The following KATNAL2 variants were observed in gnomAD, a reference collection of about 807,000 sequenced individuals.
KATNAL2 encodes katanin p60 ATPase-containing subunit A-like 2.
In KATNAL2, 52 loss-of-function variants were observed where a neutral mutation model predicts 76.3. The observed-to-expected ratio is 0.68, with a 90% CI of 0.55 to 0.86. KATNAL2 has a LOEUF of 0.86. Ranked by LOEUF, KATNAL2 falls within the 40% of genes least tolerant of loss-of-function variation. KATNAL2 has a pLI of 0.00. For missense variants in KATNAL2, 660 were observed against 668.9 expected (o/e 0.99, Z 0.15); for synonymous variants, 243 against 244.2 (o/e 1.00, Z 0.05).
chr18:47,035,291 G>T (rs1479761870), intron 3 of KATNAL2: 15 of 1,611,724 alleles, frequency 9.3e-6, no homozygotes, highest in Non-Finnish European at 1.3e-5. Context: ...AGGCGTCGCT[G>T]TCCCGGCGGT....
chr18:46,961,967 G>A (rs961502862), intron 3 of KATNAL2, among the ~76,000 whole-genome samples: 4 of 152,114 alleles, frequency 2.6e-5, no homozygotes, highest in South Asian at 2.1e-4. Flanking sequence ...GGGAGTCTGC[G>A]GAAAGAGCTA....
intron 10 of KATNAL2, among the ~76,000 whole-genome samples, chr18:47,063,897 T>A (rs925060392): frequency 5.9e-5 from 9 of 152,234 alleles, no homozygotes; most frequent in Non-Finnish European, 1.3e-4. Context: ...GATTTCTAGA[T>A]CCTTCTCTTG....
chr18:47,034,083 C>T (rs2060633227), intron 3 of KATNAL2: 1 of 1,614,104 alleles, frequency 6.2e-7, no homozygotes, highest in African/African-American at 1.3e-5. Context: ...TTTTCTTTTG[C>T]TTCCGCAACT....
intron 3 of KATNAL2, among the ~76,000 whole-genome samples, chr18:46,952,895 T>C (rs2059609550): frequency 2.9e-5 from 4 of 139,320 alleles, no homozygotes; most frequent in Non-Finnish European, 4.7e-5. Flanking sequence ...TCCTTCTTTT[T>C]TTTTTTTTTT....
chr18:46,933,156 A>T (rs1418058787), intron 1 of KATNAL2, among the ~76,000 whole-genome samples: 1 of 152,214 alleles, frequency 6.6e-6, no homozygotes, highest in Non-Finnish European at 1.5e-5. Context: ...ATAACTTGGT[A>T]ATTTGATCCA....
At chr18:47,100,445 G>A in intron 17 of KATNAL2, 89 bp downstream of exon 17, 1 of 1,048,788 alleles carries the variant, frequency 9.5e-7, no homozygotes. Context: ...TGTTCTTGGT[G>A]CCGCTTTACA....
intron 8 of KATNAL2, among the ~76,000 whole-genome samples, chr18:47,060,132 G>T (rs538082358): frequency 6.6e-6 from 1 of 152,098 alleles, no homozygotes; most frequent in East Asian, 1.9e-4. Context: ...AAGTAGCTAG[G>T]ACTACAGGCA....
intron 4 of KATNAL2, among the ~76,000 whole-genome samples, chr18:47,047,446 T>A (rs1235126302): frequency 6.6e-6 from 1 of 152,200 alleles, no homozygotes; most frequent in Non-Finnish European, 1.5e-5. Flanking sequence ...TGCATTTACT[T>A]GGACAACCTA....
intron 13 of KATNAL2, among the ~76,000 whole-genome samples, chr18:47,071,953 C>CTTCTTTT (rs2062020721): frequency 4.6e-5 from 2 of 43,950 alleles, no homozygotes; most frequent in African/African-American, 1.2e-4. Context: ...CCAATTTCTT[C>CTTCTTTT]TTTTTTTTTT....
intron 4 of KATNAL2, among the ~76,000 whole-genome samples, chr18:47,048,048 T>G (rs1225956492): frequency 6.6e-6 from 1 of 152,146 alleles, no homozygotes. Context: ...TGGGAGATAT[T>G]TGGCACTGCT....
intron 17 of KATNAL2, among the ~76,000 whole-genome samples, 194 bp downstream of exon 17, chr18:47,100,550 C>A (rs1425493353): frequency 6.6e-6 from 1 of 152,138 alleles, no homozygotes; most frequent in Non-Finnish European, 1.5e-5. Context: ...AGATGATAAA[C>A]TCCTTAGGGC....
Position 47,096,863 on chromosome 18 carries a change from C to T in KATNAL2, c.1212-2380C>T, listed in dbSNP as rs185026146. On this transcript the variant is annotated intron_variant, in intron 15 of 17. Transcript: ENST00000683218. Reference sequence around the variant, plus strand: ...TTTGGAATGAAAAATCCAGGCCAGGCGTGGTGGTTCACACCTGTAATCCTA... The same window carrying T: ...TTTGGAATGAAAAATCCAGGCCAGGTGTGGTGGTTCACACCTGTAATCCTA... Among the ~76,000 whole-genome samples, 45 of 152,182 alleles carry T rather than the reference C, an allele frequency of 3.0e-4. 1 individual carries two copies. The highest frequency in any genetic ancestry group is 1.1e-3 in the African/African-American group (45 of 41,518).
chr18:46,930,182 T>G (rs1418013162), intron 1 of KATNAL2, among the ~76,000 whole-genome samples: 1 of 152,220 alleles, frequency 6.6e-6, no homozygotes, highest in Non-Finnish European at 1.5e-5. Context: ...CTCAACATTT[T>G]CCTTAACCTT....
intron 3 of KATNAL2, chr18:47,032,493 T>C (rs1569046562): frequency 5.5e-6 from 1 of 182,332 alleles, no homozygotes. Context: ...AGCGAACTGC[T>C]TTCCTCCACC....
chr18:47,068,570 C>T (rs2061888816), intron 11 of KATNAL2, among the ~76,000 whole-genome samples: 1 of 152,216 alleles, frequency 6.6e-6, no homozygotes, highest in Admixed American at 6.5e-5. Flanking sequence ...TCAGGATTAG[C>T]ATGAAACTAA....
chr18:47,037,056 G>C (rs1045347765), intron 3 of KATNAL2, among the ~76,000 whole-genome samples: 4 of 152,230 alleles, frequency 2.6e-5, no homozygotes, highest in Non-Finnish European at 5.9e-5. Flanking sequence ...AAGAAGTGAT[G>C]TATGCTTTTT....
At chr18:47,084,399 T>A (rs1349250690) in intron 15 of KATNAL2, 1 of 702,860 alleles carries the variant, frequency 1.4e-6, no homozygotes, top group Admixed American at 2.0e-5. Context: ...GTCTTGATTG[T>A]GCCTTCACTA....
At chr18:47,065,494 C>G (rs72903232) in intron 10 of KATNAL2, among the ~76,000 whole-genome samples, 1 of 151,894 alleles carries the variant, frequency 6.6e-6, no homozygotes, top group Non-Finnish European at 1.5e-5. Context: ...CTTCCATATG[C>G]CCAGAGACCA....
chr18:47,092,610 C>A (rs1407214845), intron 15 of KATNAL2, among the ~76,000 whole-genome samples: 1 of 152,174 alleles, frequency 6.6e-6, no homozygotes, highest in African/African-American at 2.4e-5. Context: ...ACTCTTGATA[C>A]ATTGAGACAT....
Sources: gnomAD v4.1 joint callset for allele counts (sites outside exome capture counted in the v4.1 genomes callset) on GRCh38, gnomAD v4.1.1 for gene constraint, MANE v1.5 for transcripts, NCBI Gene and HGNC (gene_info 2026-07-23, HGNC 2026-07-21) for gene names.